PPM1L: variants seen among roughly 807,000 people sequenced by gnomAD.
PPM1L encodes the protein protein phosphatase 1L.
In PPM1L, 13 loss-of-function variants were observed where a neutral mutation model predicts 31.4. The ratio of observed to expected loss-of-function variants is 0.41; its 90% CI spans 0.27 to 0.66. The LOEUF (loss-of-function observed/expected upper bound fraction) is 0.66. Among genes scored for constraint, PPM1L ranks in the 30% least tolerant of loss-of-function variants. PPM1L has a pLI of 0.29. For synonymous variants in PPM1L, 184 were observed against 175.4 expected, an observed-to-expected ratio of 1.05 and a Z score of -0.39; for missense variants, 326 against 453.7, an observed-to-expected ratio of 0.72 and a Z score of 2.56.
At chr3:161,016,571 G>A (rs568235875) in intron 2 of PPM1L, among the ~76,000 whole-genome samples, 3 of 152,190 alleles carry the variant, frequency 2.0e-5, no homozygotes, top group South Asian at 4.1e-4. Context: ...GTTTCTAGTA[G>A]GCAGTTCTAA....
chr3:161,045,222 A>G (rs1719023413), intron 2 of PPM1L, among the ~76,000 whole-genome samples: 1 of 152,172 alleles, frequency 6.6e-6, no homozygotes, highest in Non-Finnish European at 1.5e-5. Flanking sequence ...ACGAGACACA[A>G]AGTTAACAAG....
At chr3:160,794,845 A>T (rs994459682) in intron 1 of PPM1L, among the ~76,000 whole-genome samples, 4 of 152,316 alleles carry the variant, frequency 2.6e-5, no homozygotes, top group African/African-American at 9.6e-5. Flanking sequence ...CTTAGGCCTC[A>T]TTCAAAGCTG....
intron 1 of PPM1L, among the ~76,000 whole-genome samples, chr3:160,894,130 G>A (rs867996245): frequency 2.0e-5 from 3 of 152,132 alleles, no homozygotes; most frequent in Admixed American, 6.5e-5. Context: ...TAACTGCATC[G>A]TGAGTTAAGG....
intron 1 of PPM1L, among the ~76,000 whole-genome samples, chr3:160,840,478 T>C (rs1295388518): frequency 6.6e-6 from 1 of 152,068 alleles, no homozygotes; most frequent in Non-Finnish European, 1.5e-5. Context: ...CGGGATTGGC[T>C]CACACAATTA....
Position 160,863,649 on chromosome 3 carries a change from A to G in PPM1L, c.400-98087A>G, listed in dbSNP as rs150391545. On this transcript the variant is annotated intron_variant, in intron 1 of 3. Coordinates refer to ENST00000498165, the MANE Select transcript of PPM1L (RefSeq NM_139245.4). ...TTACTGGACTGTGAGGGGGCAGTCT[A>G]TCAAGTATGGACAGCTATCAAGTAT... Among the ~76,000 whole-genome samples the G allele has an allele frequency of 6.6e-5, 10 of 152,284 alleles. No individual in the cohort carries two copies. In the East Asian group the frequency reaches 1.2e-3, roughly 18 times the overall value.
intron 2 of PPM1L, among the ~76,000 whole-genome samples, chr3:160,972,514 AC>A (rs1716385092): frequency 6.6e-6 from 1 of 152,054 alleles, no homozygotes; most frequent in Non-Finnish European, 1.5e-5. Flanking sequence ...CCATGTCCCT[AC>A]AAAGGACATG....
chr3:160,973,906 A>G (rs1716456071), intron 2 of PPM1L, among the ~76,000 whole-genome samples: 1 of 148,960 alleles, frequency 6.7e-6, no homozygotes, highest in Admixed American at 6.7e-5. Flanking sequence ...GTTTTAGGGT[A>G]CATGTGCACA....
intron 1 of PPM1L, among the ~76,000 whole-genome samples, chr3:160,763,733 T>A (rs1269682772): frequency 6.6e-6 from 1 of 152,146 alleles, no homozygotes; most frequent in Non-Finnish European, 1.5e-5. Context: ...TGTGGAGGAT[T>A]GATTTGAACT....
chr3:161,032,383 A>G lies in PPM1L; in HGVS notation c.575-33020A>G, dbSNP rs374587875. 9.8e-5 allele frequency among the ~76,000 whole-genome samples: 15 copies of G among 152,300 alleles called. No homozygotes were observed. In the South Asian group the frequency reaches 1.7e-3, roughly 17 times the overall value. On this transcript the variant is annotated intron_variant, in intron 2 of 3. Coordinates refer to ENST00000498165, the MANE Select transcript of PPM1L (RefSeq NM_139245.4). ...ACATAAATGGAGTTGCTCATCACCT[A>G]CCTGATACACTTTGAAAAGCACATG...
At chr3:160,944,070 T>A in intron 1 of PPM1L, among the ~76,000 whole-genome samples, 1 of 152,140 alleles carries the variant, frequency 6.6e-6, no homozygotes, top group Non-Finnish European at 1.5e-5. Flanking sequence ...ATGGACTATT[T>A]GGGTATAGGA....
At chr3:161,056,802 C>T (rs1387454441) in intron 2 of PPM1L, among the ~76,000 whole-genome samples, 2 of 152,150 alleles carry the variant, frequency 1.3e-5, no homozygotes, top group Non-Finnish European at 2.9e-5. Flanking sequence ...TGGCTCACCC[C>T]TGTAATCCTA....
At chr3:161,028,663 T>C (rs1358791741) in intron 2 of PPM1L, among the ~76,000 whole-genome samples, 1 of 152,072 alleles carries the variant, frequency 6.6e-6, no homozygotes, top group African/African-American at 2.4e-5. Flanking sequence ...CAGAATCAAA[T>C]TACTATCCCT....
intron 2 of PPM1L, among the ~76,000 whole-genome samples, chr3:161,043,240 T>C (rs1718963415): frequency 6.6e-6 from 1 of 151,954 alleles, no homozygotes; most frequent in Non-Finnish European, 1.5e-5. Flanking sequence ...TTTAGATAAG[T>C]GAAAGTTGTG....
chr3:161,007,748 T>G (rs1205817299), intron 2 of PPM1L, among the ~76,000 whole-genome samples: 2 of 152,132 alleles, frequency 1.3e-5, no homozygotes, highest in African/African-American at 4.8e-5. Context: ...GCCAAAAGAT[T>G]GGACACCCCT....
intron 2 of PPM1L, among the ~76,000 whole-genome samples, chr3:161,064,844 C>T (rs140116262): frequency 6.6e-6 from 1 of 152,248 alleles, no homozygotes; most frequent in East Asian, 1.9e-4. Context: ...CTGCCTCCAT[C>T]ACACCCTGGA....
chr3:160,875,594 A>G (rs567848671), intron 1 of PPM1L, among the ~76,000 whole-genome samples: 41 of 152,260 alleles, frequency 2.7e-4, no homozygotes, highest in Non-Finnish European at 5.6e-4. Context: ...ATTAAATAAA[A>G]TAGCTAGAAG....
At chr3:160,786,281 G>T (rs1711932339) in intron 1 of PPM1L, among the ~76,000 whole-genome samples, 1 of 134,744 alleles carries the variant, frequency 7.4e-6, no homozygotes, top group Non-Finnish European at 1.5e-5. Context: ...GCAGAGACAT[G>T]ATCTTGGCTC....
chr3:160,914,961 G>A (rs2108065966), intron 1 of PPM1L, among the ~76,000 whole-genome samples: 1 of 152,228 alleles, frequency 6.6e-6, no homozygotes, highest in East Asian at 1.9e-4. Flanking sequence ...GTTGTTTCCT[G>A]ACTTTTTAAT....
chr3:160,988,546 G>A (rs1717036890), intron 2 of PPM1L, among the ~76,000 whole-genome samples: 2 of 152,158 alleles, frequency 1.3e-5, no homozygotes, highest in African/African-American at 4.8e-5. Flanking sequence ...GCTTAGCTGA[G>A]CATGTTAGGG....
Sources: allele counts gnomAD v4.1 joint callset (sites outside exome capture counted in the v4.1 genomes callset), GRCh38; gene constraint gnomAD v4.1.1; transcripts MANE v1.5; gene names NCBI Gene and HGNC (gene_info 2026-07-23, HGNC 2026-07-21).